DNAH11: variants seen among roughly 807,000 people sequenced by gnomAD.
DNAH11 encodes axonemal beta dynein heavy chain 11.
In DNAH11, 442 loss-of-function variants were observed where a neutral mutation model predicts 526.0. The observed-to-expected ratio is 0.84, with a 90% CI of 0.78 to 0.91. DNAH11 has a LOEUF of 0.91. DNAH11 is among the 40% of genes least tolerant of loss of function. The pLI, the probability that DNAH11 is intolerant of heterozygous loss-of-function variation, is 0.00. For missense variants in DNAH11, 6,989 were observed against 5,448.7 expected, an observed-to-expected ratio of 1.28 and a Z score of -8.90; for synonymous variants, 2,461 against 1,935.9, an observed-to-expected ratio of 1.27 and a Z score of -7.12.
chr7:21,775,015 C>G (rs1207201044), intron 56 of DNAH11, among the ~76,000 whole-genome samples: 1 of 152,130 alleles, frequency 6.6e-6, no homozygotes, highest in African/African-American at 2.4e-5. Flanking sequence ...AACTGAGACC[C>G]GAAGGAGGGA....
intron 34 of DNAH11, among the ~76,000 whole-genome samples, chr7:21,689,221 G>T (rs945637230): frequency 6.6e-5 from 10 of 152,120 alleles, no homozygotes; most frequent in African/African-American, 2.4e-4. Context: ...CTAGCTTTTA[G>T]TCAAAATCTT....
chr7:21,788,372 T>G (rs1213732213), intron 60 of DNAH11, among the ~76,000 whole-genome samples: 3 of 152,160 alleles, frequency 2.0e-5, no homozygotes, highest in African/African-American at 7.2e-5. Context: ...TTGATCTCTC[T>G]CTCTCTTTAG....
At chr7:21,601,265 G>A in intron 17 of DNAH11, 86 bp downstream of exon 17, 1 of 1,476,880 alleles carries the variant, frequency 6.8e-7, no homozygotes, top group South Asian at 1.3e-5. Context: ...TATTAATGTT[G>A]CCAGTTTCAT....
At chr7:21,635,446 G>A (rs1196230416) in intron 25 of DNAH11, among the ~76,000 whole-genome samples, 8 of 152,234 alleles carry the variant, frequency 5.3e-5, no homozygotes, top group South Asian at 2.1e-4. Context: ...GTGAGCCACC[G>A]TGCCCGGCCT....
At chr7:21,770,865 A>G (rs563935438) in intron 55 of DNAH11, among the ~76,000 whole-genome samples, 4 of 152,172 alleles carry the variant, frequency 2.6e-5, no homozygotes, top group Non-Finnish European at 2.9e-5. Flanking sequence ...TTCTTCTCAG[A>G]GCAAAACAGC....
chr7:21,733,006 G>C (rs1341495410), intron 45 of DNAH11, among the ~76,000 whole-genome samples: 1 of 152,184 alleles, frequency 6.6e-6, no homozygotes, highest in African/African-American at 2.4e-5. Flanking sequence ...ACATCCTGCA[G>C]GAGCCAGGCA....
intron 45 of DNAH11, among the ~76,000 whole-genome samples, chr7:21,728,158 C>A (rs1785213525): frequency 6.7e-6 from 1 of 148,158 alleles, no homozygotes; most frequent in African/African-American, 2.5e-5. Context: ...CAGCCTGTAA[C>A]AATGTGCCGC....
Position 21,599,816 on chromosome 7 carries a change from C to T in DNAH11, c.2697C>T (p.Pro899=), listed in dbSNP as rs1166219486. 6.3e-7 allele frequency: 1 copy of T among 1,587,488 alleles called. No homozygotes were observed. Among genetic ancestry groups the T allele is most frequent in the Non-Finnish European group, 8.6e-7 (1 of 1,163,826 alleles). The stretch of plus-strand genomic sequence containing the variant: ...ATAGGAAGCTCTTCAAAGCCAATCC[C>T]TCTCTGGATACCTGGAAAATTTATG... ...EENRKLFKAN[P]SLDTWKIYVE... Residue 899 remains proline (P), a synonymous_variant, in exon 15 of 82, where the codon CCC becomes CCT. Transcript: ENST00000409508.
chr7:21,601,415 T>A lies in DNAH11; in HGVS notation c.3445T>A (p.Phe1149Ile), dbSNP rs2128447206. The change falls in exon 18 of 82, where the codon TTT becomes ATT. Residue 1149 changes from phenylalanine (F) to isoleucine (I), a missense_variant. Physicochemically the swap from Phe to Ile is conservative, Grantham distance 21. Coordinates refer to ENST00000409508, the MANE Select transcript of DNAH11 (RefSeq NM_001277115.2). ...VIDSLNELQE[F>I]IKETDSGLQR... The stretch of plus-strand genomic sequence containing the variant: ...TAATAGTCTGAATGAGCTACAAGAA[T>A]TTATAAAGGAGACAGATTCCGGACT... 6.2e-7 allele frequency: 1 copy of A among 1,612,710 alleles called. No homozygotes were observed. The highest frequency in any genetic ancestry group is 1.1e-5 in the South Asian group (1 of 90,898).
chr7:21,773,737 C>T, intron 55 of DNAH11, 29 bp from the exon 56 acceptor site: 8 of 1,340,478 alleles, frequency 6.0e-6, no homozygotes, highest in South Asian at 1.8e-5. Context: ...GAGAGGATTT[C>T]ACATGAACTG....
chr7:21,599,635 C>T (rs1191471252), intron 14 of DNAH11, among the ~76,000 whole-genome samples, 152 bp from the exon 15 acceptor site: 2 of 152,226 alleles, frequency 1.3e-5, no homozygotes, highest in African/African-American at 2.4e-5. Flanking sequence ...TCTTTGACAT[C>T]TAGCTTAAGG....
In DNAH11 at chr7:21,867,757, G is replaced by C. The variant is rs2074329; in HGVS notation, c.11691-102G>C. On this transcript the variant is annotated intron_variant, in intron 71 of 81. Transcript: ENST00000409508. ...CAAGACATCCCATGTAATAAACCTG[G>C]TTACTTCTATCGTGTGCCTGTGTGG... 0.078 allele frequency: 82,742 copies of C among 1,056,500 alleles called. 4,048 individuals are homozygous for C. Among genetic ancestry groups the C allele is most frequent in the East Asian group, 0.23 (8,959 of 38,326 alleles). 65.4% of individuals were successfully genotyped at this position (1,056,500 alleles called of 1,614,324 possible). A position where few individuals can be genotyped will look rare whatever the true frequency, so the allele number is the denominator to read the frequency against.
intron 8 of DNAH11, among the ~76,000 whole-genome samples, chr7:21,576,896 C>G (rs977549429): frequency 6.6e-6 from 1 of 152,010 alleles, no homozygotes; most frequent in African/African-American, 2.4e-5. Context: ...AGAAATGTGT[C>G]TATGTGTGTT....
At chr7:21,778,811 C>A in intron 56 of DNAH11, 147 bp from the exon 57 acceptor site, 1 of 885,102 alleles carries the variant, frequency 1.1e-6, no homozygotes, top group Non-Finnish European at 1.6e-6. Context: ...TGCATTTTTG[C>A]AAATCAGAAG....
chr7:21,690,350 A>G (rs1384167312), intron 34 of DNAH11, among the ~76,000 whole-genome samples: 1 of 151,932 alleles, frequency 6.6e-6, no homozygotes, highest in Non-Finnish European at 1.5e-5. Flanking sequence ...AGAAATAGAC[A>G]AAACTTAAGA....
intron 79 of DNAH11, 92 bp downstream of exon 79, chr7:21,895,091 G>C (rs1356172824): frequency 1.2e-5 from 13 of 1,045,334 alleles, no homozygotes; most frequent in Non-Finnish European, 1.7e-5. Context: ...CTATGCAGAC[G>C]GAGCTTTGTG....
chr7:21,687,121 T>C lies in DNAH11; in HGVS notation c.5644T>C (p.Ser1882Pro). ...AAGGTGTTATATTACCTTAACTCAA[T>C]CACTTCATCTAACCATGAGTGGGGC... ...TDRCYITLTQ[S>P]LHLTMSGAPA... Residue 1882 changes from serine (S) to proline (P), a missense_variant, in exon 33 of 82, where the codon TCA becomes CCA. Physicochemically the swap from Ser to Pro is moderately conservative, Grantham distance 74 (BLOSUM62 -1). Coordinates refer to ENST00000409508, the MANE Select transcript of DNAH11 (RefSeq NM_001277115.2). The C allele has an allele frequency of 6.2e-7, 1 of 1,613,288 alleles. No individual in the cohort carries two copies. Among genetic ancestry groups the C allele is most frequent in the Non-Finnish European group, 8.5e-7 (1 of 1,179,626 alleles).
chr7:21,855,248 A>T (rs11760670), intron 68 of DNAH11, among the ~76,000 whole-genome samples: 3 of 151,828 alleles, frequency 2.0e-5, no homozygotes, highest in Admixed American at 6.6e-5. Context: ...AGCCAGAATG[A>T]TCTCTATCTC....
chr7:21,740,984 G>A (rs1174176240), intron 48 of DNAH11, among the ~76,000 whole-genome samples: 2 of 152,110 alleles, frequency 1.3e-5, no homozygotes, highest in Non-Finnish European at 2.9e-5. Context: ...GATTAGTGAT[G>A]TTTTTTATGT....
Sources: allele counts gnomAD v4.1 joint callset (sites outside exome capture counted in the v4.1 genomes callset), GRCh38; gene constraint gnomAD v4.1.1; transcripts MANE v1.5; gene names NCBI Gene and HGNC (gene_info 2026-07-23, HGNC 2026-07-21).